The following USH1C variants were observed in gnomAD, a reference collection of about 807,000 sequenced individuals.
The protein encoded by USH1C is harmonin.
A neutral mutation model predicts 119.3 loss-of-function variants in USH1C; 90 were observed. The observed-to-expected ratio is 0.75, with a 90% CI of 0.64 to 0.90. The LOEUF (loss-of-function observed/expected upper bound fraction) is 0.90. Ranked by LOEUF, USH1C falls within the 40% of genes least tolerant of loss-of-function variation. USH1C has a pLI of 0.00. For missense variants in USH1C, 1,165 were observed against 1,167.7 expected, an observed-to-expected ratio of 1.00 and a Z score of 0.03; for synonymous variants, 465 against 443.3, an observed-to-expected ratio of 1.05 and a Z score of -0.62.
At chr11:17,503,163 C>T (rs1331277964) in intron 20 of USH1C, among the ~76,000 whole-genome samples, 1 of 152,224 alleles carries the variant, frequency 6.6e-6, no homozygotes, top group Non-Finnish European at 1.5e-5. Context: ...TTGGGAGCTA[C>T]ATCCAGGTCA....
chr11:17,517,483 G>A (rs2133853447), intron 14 of USH1C: 1 of 1,585,744 alleles, frequency 6.3e-7, no homozygotes. Context: ...ATCTACCCAG[G>A]GAAAAGAGGA....
At chr11:17,513,943 G>A (rs1850020798) in intron 15 of USH1C, among the ~76,000 whole-genome samples, 1 of 152,238 alleles carries the variant, frequency 6.6e-6, no homozygotes, top group Non-Finnish European at 1.5e-5. Flanking sequence ...CAGATGCAGA[G>A]GGCAAGTTGC....
At chr11:17,497,641 T>C (rs939940767) in intron 24 of USH1C, among the ~76,000 whole-genome samples, 3 of 152,148 alleles carry the variant, frequency 2.0e-5, no homozygotes, top group Non-Finnish European at 4.4e-5. Flanking sequence ...AGGTTGTGCA[T>C]TGCACACCAT....
chr11:17,519,838 G>C (rs1398044155), intron 14 of USH1C, among the ~76,000 whole-genome samples: 1 of 152,188 alleles, frequency 6.6e-6, no homozygotes, highest in Non-Finnish European at 1.5e-5. Flanking sequence ...CCTCTTCCTT[G>C]GTGCAAGTGG....
In USH1C at chr11:17,533,302, A is replaced by G. The variant is rs1851071899; in HGVS notation, c.57T>C (p.Asn19=). The G allele has an allele frequency of 6.2e-7, 1 of 1,613,068 alleles. No homozygotes were observed. The highest frequency in any genetic ancestry group is 1.1e-5 in the South Asian group (1 of 91,064). The change falls in exon 2 of 27, where the codon AAT becomes AAC. Residue 19 remains asparagine, a synonymous_variant. Transcript: ENST00000005226. ...CATAGAGATAGTCCTTCTCTGCATC[A>G]TTTTCAATCAGAAAATCCACCTGGA... ...FRHKVDFLIE[N]DAEKDYLYDV... is the part of the protein sequence containing the mutation.
At chr11:17,543,533 G>A (rs1430873441) in intron 1 of USH1C, among the ~76,000 whole-genome samples, 1 of 152,190 alleles carries the variant, frequency 6.6e-6, no homozygotes, top group African/African-American at 2.4e-5. Context: ...ATTCTGCACA[G>A]CTTTGTGAAT....
At position 17,531,485 on chromosome 11, in the gene USH1C, G is replaced by A. The variant is rs767509662; in HGVS notation, c.162C>T (p.Ser54=). 3.1e-6 allele frequency: 5 copies of A among 1,613,994 alleles called. No individual in the cohort carries two copies. The Admixed American group carries it at 8.3e-5, about 27-fold the overall frequency. ...GDLKLVINEP[S]RLPLFDAIRP... ...GAATGGCATCAAACAGAGGCAGACG[G>A]CTGGGTTCATTGATGACCAGCTTCA... The change falls in exon 3 of 27, where the codon AGC becomes AGT. Residue 54 remains serine, a synonymous_variant. Transcript: ENST00000005226. This position sits in a 1 kb window ranked among gnomAD's most constrained non-coding sequence, Gnocchi z 4.2.
At chr11:17,513,941 G>A (rs1418351737) in intron 15 of USH1C, among the ~76,000 whole-genome samples, 15 of 152,250 alleles carry the variant, frequency 9.9e-5, no homozygotes, top group Admixed American at 9.8e-4. Context: ...TACAGATGCA[G>A]AGGGCAAGTT....
Position 17,523,411 on chromosome 11 carries a change from C to A in USH1C, c.819+8G>T. 6.2e-7 allele frequency: 1 copy of A among 1,614,218 alleles called. No homozygotes were observed. The highest frequency in any genetic ancestry group is 1.3e-5 in the African/African-American group (1 of 75,060). On this transcript the variant is annotated splice_region_variant and intron_variant, in intron 10 of 26. Coordinates refer to ENST00000005226, the MANE Select transcript of USH1C (RefSeq NM_153676.4). ...AAGGGCCAACAGGTGAAGACCCCCACATCTCACCTCCTTGTGATCCAGGTT... is the reference window on the plus strand; with the variant it reads ...AAGGGCCAACAGGTGAAGACCCCCAAATCTCACCTCCTTGTGATCCAGGTT...
At chr11:17,521,238 G>T in intron 13 of USH1C, 108 bp downstream of exon 13, 1 of 1,229,676 alleles carries the variant, frequency 8.1e-7, no homozygotes, top group Non-Finnish European at 1.2e-6. Context: ...ACCCACCAGG[G>T]GATGAGAGAA....
At chr11:17,523,817 G>A (rs982041552) in intron 9 of USH1C, among the ~76,000 whole-genome samples, 3 of 152,254 alleles carry the variant, frequency 2.0e-5, no homozygotes, top group African/African-American at 7.2e-5. Context: ...CACAGGCTGT[G>A]TTGAATCGTC....
At chr11:17,520,564 A>T (rs1850364015) in intron 14 of USH1C, among the ~76,000 whole-genome samples, 1 of 152,224 alleles carries the variant, frequency 6.6e-6, no homozygotes. Flanking sequence ...CGGTAATCCC[A>T]TGAGCTAATC....
intron 18 of USH1C, among the ~76,000 whole-genome samples, chr11:17,507,623 T>C (rs1258048594): frequency 6.6e-6 from 1 of 152,244 alleles, no homozygotes; most frequent in Non-Finnish European, 1.5e-5. Context: ...TATTAACTTA[T>C]TTGATTCGAA....
chr11:17,496,779 G>T lies in USH1C; in HGVS notation c.2525C>A (p.Pro842Gln). 3 of 1,614,164 alleles carry T rather than the reference G, an allele frequency of 1.9e-6. No homozygotes were observed. The highest frequency in any genetic ancestry group is 2.5e-6 in the Non-Finnish European group (3 of 1,179,996). ...TTACAGCTCATCGTCATACTCCTTT[G>T]GGGGGCAGACGGCAACCACAAGGTC... ...WIDLVVAVCPPKEYDDELASL... is the reference protein window; with the variant it reads ...WIDLVVAVCPQKEYDDELASL... Residue 842 changes from proline (P) to glutamine (Q), a missense_variant, in exon 25 of 27, where the codon CCA (proline) becomes CAA (glutamine). Physicochemically the swap from Pro to Gln is moderately conservative, Grantham distance 76. Coordinates refer to ENST00000005226, the MANE Select transcript of USH1C (RefSeq NM_153676.4).
intron 15 of USH1C, among the ~76,000 whole-genome samples, chr11:17,512,689 G>T (rs578108157): frequency 5.8e-4 from 89 of 152,238 alleles, no homozygotes; most frequent in African/African-American, 2.1e-3. Flanking sequence ...GATTTTACCC[G>T]CATGCTTAAG....
At chr11:17,526,890 T>G (rs1850706137) in intron 6 of USH1C, 80 bp from the exon 7 acceptor site, 1 of 1,587,086 alleles carries the variant, frequency 6.3e-7, no homozygotes, top group Non-Finnish European at 8.6e-7. Context: ...AGATCCACCA[T>G]GTCTAGAGCC....
rs149935583 is a variant in USH1C, at chr11:17,529,586, C to G, written c.387+1568G>C. ...CCGAAGCTCCTCTGAGTAAAGTTCC[C>G]TGTCTTATTCCTAAAGGGAATTTGC... On this transcript the variant is annotated intron_variant, in intron 4 of 26. Coordinates refer to ENST00000005226, the MANE Select transcript of USH1C (RefSeq NM_153676.4). Among the ~76,000 whole-genome samples, 419 of 152,360 alleles carry G rather than the reference C, an allele frequency of 2.8e-3. 3 individuals carry two copies. Among genetic ancestry groups the G allele is most frequent in the African/African-American group, 9.5e-3 (393 of 41,586 alleles).
In USH1C at chr11:17,539,917, C is replaced by T. The variant is rs1234169290; in HGVS notation, c.36+4355G>A. On this transcript the variant is annotated intron_variant, in intron 1 of 26. Coordinates refer to ENST00000005226, the MANE Select transcript of USH1C (RefSeq NM_153676.4). ...GTGTGACCACAGCTCACTGCAGCCT[C>T]AACCTCCAGGCTCAATTGATTCTCC... 2.7e-5 allele frequency among the ~76,000 whole-genome samples: 4 copies of T among 150,454 alleles called. No homozygotes were observed. The South Asian group carries it at 6.3e-4, about 24-fold the overall frequency.
chr11:17,529,078 C>T (rs534449049), intron 4 of USH1C, among the ~76,000 whole-genome samples: 75 of 152,296 alleles, frequency 4.9e-4, no homozygotes, highest in African/African-American at 1.7e-3. Flanking sequence ...GAAGGGCATC[C>T]GGCCAAGCCT....
Sources: gnomAD v4.1 joint callset for allele counts (sites outside exome capture counted in the v4.1 genomes callset) on GRCh38, gnomAD v4.1.1 for gene constraint, Gnocchi (gnomAD v3.1) non-coding constraint, MANE v1.5 for transcripts, NCBI Gene and HGNC (gene_info 2026-07-23, HGNC 2026-07-21) for gene names.